The following RAPGEF2 variants were observed in gnomAD, a reference collection of about 807,000 sequenced individuals.
RAPGEF2 encodes PDZ domain containing guanine nucleotide exchange factor (GEF) 1.
Under a neutral mutation model 186.7 loss-of-function variants are expected in RAPGEF2, and 54 were observed. That is an observed-to-expected ratio of 0.29 (90% confidence interval 0.23 to 0.36). The LOEUF (loss-of-function observed/expected upper bound fraction) is 0.36, where lower values mean the gene tolerates loss of function less well. Among genes scored for constraint, RAPGEF2 ranks in the 10% least tolerant of loss-of-function variants. The probability of loss-of-function intolerance (pLI) is 1.00; values close to 1 mark genes in which losing one functional copy is unlikely to be tolerated. For synonymous variants in RAPGEF2, 712 were observed against 705.9 expected (o/e 1.01, Z -0.14); for missense variants, 1,532 against 2,045.0 (o/e 0.75, Z 4.84).
At chr4:159,259,860 A>G (rs147545851) in intron 7 of RAPGEF2, among the ~76,000 whole-genome samples, 171 of 152,304 alleles carry the variant, frequency 1.1e-3, no homozygotes, top group Non-Finnish European at 2.0e-3. Context: ...GTTATATATA[A>G]TCTGAATAAT....
chr4:159,273,627 T>TTTCTTTCTTTCC (rs1758397541), intron 7 of RAPGEF2, among the ~76,000 whole-genome samples: 1 of 9,410 alleles, frequency 1.1e-4, no homozygotes, highest in East Asian at 2.4e-3. Flanking sequence ...CAGTAATCAG[T>TTTCTTTCTTTCC]TTCTTTCTTT....
intron 7 of RAPGEF2, among the ~76,000 whole-genome samples, chr4:159,247,473 AG>A (rs1337045697): frequency 8.5e-5 from 13 of 152,210 alleles, no homozygotes; most frequent in African/African-American, 3.1e-4. Flanking sequence ...GAGTGGTTAT[AG>A]GGTTTTTGAA....
chr4:159,188,635 G>A (rs1747793831), intron 2 of RAPGEF2, among the ~76,000 whole-genome samples: 1 of 143,940 alleles, frequency 6.9e-6, no homozygotes, highest in Non-Finnish European at 1.5e-5. Flanking sequence ...CCGCACTCCA[G>A]CCTGGGCAAC....
chr4:159,268,004 A>G, intron 7 of RAPGEF2: 2 of 1,437,602 alleles, frequency 1.4e-6, no homozygotes, highest in Non-Finnish European at 1.8e-6. Context: ...TTTTAAGCTT[A>G]CCAGTAGTGA....
chr4:159,154,940 G>A (rs1156346621), intron 1 of RAPGEF2, among the ~76,000 whole-genome samples: 3 of 152,154 alleles, frequency 2.0e-5, no homozygotes, highest in Non-Finnish European at 4.4e-5. Flanking sequence ...CCAATCAGTT[G>A]TATAACCTAT....
At position 159,144,879 on chromosome 4, in the gene RAPGEF2, G is replaced by GTTTTTTTT. The variant is rs137978885; in HGVS notation, c.69+40667_69+40674dup. Among the ~76,000 whole-genome samples the GTTTTTTTT allele has an allele frequency of 9.6e-4, 89 of 92,302 alleles. 9 individuals carry two copies. The highest frequency in any genetic ancestry group is 3.2e-3 in the African/African-American group (76 of 23,554). 60.6% of individuals were successfully genotyped at this position (92,302 alleles called of 152,430 possible). ...CTTCTTAATTTTTTTCTTTCTTCCT[G>GTTTTTTTT]TTTTTTTTTTTTTTTTTTTTTTTTT... is the stretch of plus-strand genomic sequence containing the variant. On this transcript the variant is annotated intron_variant, in intron 1 of 29. Transcript: ENST00000691494.
rs141208438 is a variant in RAPGEF2 at position 159,238,173 on chromosome 4, A to G, written c.282-636A>G. Among the ~76,000 whole-genome samples, 15 of 152,336 alleles carry G rather than the reference A, an allele frequency of 9.8e-5. No homozygotes were observed. In the East Asian group the frequency reaches 2.9e-3, roughly 29 times the overall value. ...CATCTTCACCATTCTTAACGTGGGA[A>G]TTCACCACAGATAAGGCAAAGGTGC... On this transcript the variant is annotated intron_variant, in intron 4 of 29. Transcript: ENST00000691494.
chr4:159,110,955 A>T (rs1464470874), intron 1 of RAPGEF2, among the ~76,000 whole-genome samples: 1 of 151,756 alleles, frequency 6.6e-6, no homozygotes, highest in Non-Finnish European at 1.5e-5. Flanking sequence ...TATGTCAGTC[A>T]TTGTAGGAAG....
chr4:159,339,136 G>C lies in RAPGEF2; in HGVS notation c.2316G>C (p.Arg772Ser), dbSNP rs780275266. 6.2e-7 allele frequency: 1 copy of C among 1,613,930 alleles called. No homozygotes were observed. The highest frequency in any genetic ancestry group is 8.5e-7 in the Non-Finnish European group (1 of 1,179,922). Residue 772 changes from arginine (R) to serine (S), a missense_variant, in exon 19 of 30, where the codon AGG becomes AGC. Transcript: ENST00000691494. ...CAGACTTGCCAGATCAAGTGCTAAG[G>C]GTTTTTAAGGCTGATCAGCAAAGCC... is the stretch of plus-strand genomic sequence containing the variant. ...ATPDLPDQVL[R>S]VFKADQQSRY...
In RAPGEF2 at chr4:159,128,942, G is replaced by GTA. The variant is rs1276393623; in HGVS notation, c.69+24712_69+24713insAT. 2.6e-3 allele frequency: 373 copies of GTA among 140,998 alleles called. 2 individuals carry two copies. Among genetic ancestry groups the GTA allele is most frequent in the African/African-American group, 9.2e-3 (350 of 38,134 alleles). The allele number at this position is 140,998 out of a possible 1,614,324, so 8.7% of individuals were successfully genotyped here. ...GGGGGGTGTGTGTGTGTGTGTGTGT[G>GTA]TGTATATATATATATATATAAATCT... On this transcript the variant is annotated intron_variant, in intron 1 of 29. Transcript: ENST00000691494.
intron 4 of RAPGEF2, among the ~76,000 whole-genome samples, chr4:159,233,006 A>G (rs1232430987): frequency 6.6e-6 from 1 of 152,126 alleles, no homozygotes. Context: ...TCAAGTTTAC[A>G]TTGGGTTATC....
rs139085854 is a variant in RAPGEF2 at position 159,259,680 on chromosome 4, A to C, written c.543+15889A>C. 9.4e-4 allele frequency among the ~76,000 whole-genome samples: 143 copies of C among 152,292 alleles called. 4 individuals carry two copies. The East Asian group carries it at 0.024, about 25-fold the overall frequency. On this transcript the variant is annotated intron_variant, in intron 7 of 29. Transcript: ENST00000691494. ...ACTGTTTAATGAACTGAAATCACTT[A>C]CTTACAGTTGTCTAAAATTATTCAT... is the stretch of plus-strand genomic sequence containing the variant.
chr4:159,238,390 A>G (rs181595942), intron 4 of RAPGEF2, among the ~76,000 whole-genome samples: 235 of 152,332 alleles, frequency 1.5e-3, no homozygotes, highest in African/African-American at 5.0e-3. Context: ...TAACCTAAGC[A>G]AGTTAAGTTA....
chr4:159,229,848 A>G (rs1247168757), intron 4 of RAPGEF2, among the ~76,000 whole-genome samples: 1 of 152,096 alleles, frequency 6.6e-6, no homozygotes, highest in Non-Finnish European at 1.5e-5. Flanking sequence ...TTTAGGAGTA[A>G]TCTGTTTCAT....
chr4:159,198,290 CTTTCTTTCTTTCTTTCTTTCTTTCTT>C (rs1341192069), intron 3 of RAPGEF2, among the ~76,000 whole-genome samples: 2 of 42,706 alleles, frequency 4.7e-5, no homozygotes, highest in Admixed American at 2.7e-4. Flanking sequence ...TTCTTTCTTT[CTTTCTTTCTTTCTTTCTTTCTTTCTT>C]TCTTTCTTTC....
At chr4:159,176,378 T>C (rs558117845) in intron 1 of RAPGEF2, among the ~76,000 whole-genome samples, 72 of 152,272 alleles carry the variant, frequency 4.7e-4, no homozygotes, top group Non-Finnish European at 4.9e-4. Flanking sequence ...GGTAAAGTTA[T>C]TAGTCCCTCT....
chr4:159,269,119 G>C (rs905351890), intron 7 of RAPGEF2, among the ~76,000 whole-genome samples: 1 of 152,146 alleles, frequency 6.6e-6, no homozygotes, highest in Non-Finnish European at 1.5e-5. Flanking sequence ...CTTTAAAAGT[G>C]GAAATAAGTC....
chr4:159,168,599 CTT>C (rs1191176286), intron 1 of RAPGEF2, among the ~76,000 whole-genome samples: 1 of 151,990 alleles, frequency 6.6e-6, no homozygotes, highest in Non-Finnish European at 1.5e-5. Flanking sequence ...GAAGACATCA[CTT>C]TATATTAAAT....
chr4:159,113,740 C>CAAA (rs11311075), intron 1 of RAPGEF2, among the ~76,000 whole-genome samples: 26 of 86,602 alleles, frequency 3.0e-4, no homozygotes, highest in African/African-American at 1.1e-3. Context: ...GACTCTGTCT[C>CAAA]AAAAAAAAAA....
Sources: allele counts gnomAD v4.1 joint callset (sites outside exome capture counted in the v4.1 genomes callset), GRCh38; gene constraint gnomAD v4.1.1; transcripts MANE v1.5; gene names NCBI Gene and HGNC (gene_info 2026-07-23, HGNC 2026-07-21).